STK33: variants seen among roughly 807,000 people sequenced by gnomAD.
STK33 encodes serine/threonine-protein kinase 33.
Under a neutral mutation model 58.0 loss-of-function variants are expected in STK33, and 52 were observed. The ratio of observed to expected loss-of-function variants is 0.90; its 90% CI spans 0.72 to 1.13. The LOEUF (loss-of-function observed/expected upper bound fraction) is 1.13, where lower values mean the gene tolerates loss of function less well. Among genes scored for constraint, STK33 ranks in the 50% most tolerant of loss-of-function variants. The pLI is 0.00. For synonymous variants in STK33, 215 were observed against 200.1 expected (o/e 1.07, Z -0.63); for missense variants, 630 against 604.2 (o/e 1.04, Z -0.45).
At chr11:8,499,584 G>A (rs1318745233) in intron 1 of STK33, among the ~76,000 whole-genome samples, 1 of 152,104 alleles carries the variant, frequency 6.6e-6, no homozygotes, top group Non-Finnish European at 1.5e-5. Flanking sequence ...TATACCCAAA[G>A]GATTATAAAT....
intron 1 of STK33, among the ~76,000 whole-genome samples, chr11:8,578,558 A>G (rs1958344650): frequency 6.6e-6 from 1 of 151,912 alleles, no homozygotes; most frequent in African/African-American, 2.4e-5. Flanking sequence ...TTATTTATAT[A>G]TAATATACTA....
rs536058326 is a variant in STK33, at chr11:8,422,414, T to G, written c.1147-8722A>C. Among the ~76,000 whole-genome samples the G allele has an allele frequency of 3.1e-4, 47 of 152,286 alleles. No homozygotes were observed. The South Asian group carries it at 6.4e-3, about 21-fold the overall frequency. On this transcript the variant is annotated intron_variant, in intron 14 of 15. Coordinates refer to ENST00000687296, the MANE Select transcript of STK33 (RefSeq NM_001352389.2). ...TATTAGTAAGTGAAATGGATAGTTT[T>G]CCTTTGTCACAATGTCGTGGTATAG...
intron 15 of STK33, among the ~76,000 whole-genome samples, chr11:8,405,033 G>A (rs986449023): frequency 6.6e-6 from 1 of 152,140 alleles, no homozygotes; most frequent in African/African-American, 2.4e-5. Context: ...AGCTACCCAG[G>A]AGGCTGAGGC....
intron 8 of STK33, among the ~76,000 whole-genome samples, chr11:8,459,969 C>T (rs889390743): frequency 2.6e-5 from 4 of 152,184 alleles, no homozygotes; most frequent in Non-Finnish European, 5.9e-5. Context: ...TGGAGGTAAA[C>T]CTCGTAATTC....
chr11:8,576,031 C>T (rs952059051), intron 1 of STK33, among the ~76,000 whole-genome samples: 19 of 151,972 alleles, frequency 1.3e-4, no homozygotes, highest in South Asian at 4.2e-4. Context: ...ATCTAGTTAG[C>T]GAATCAACAA....
At position 8,495,249 on chromosome 11, in the gene STK33, G is replaced by GA. The variant is rs1182633223; in HGVS notation, c.-465-14636dup. Among the ~76,000 whole-genome samples the GA allele has an allele frequency of 1.1e-4, 16 of 151,092 alleles. 1 individual carries two copies. The highest frequency in any genetic ancestry group is 6.6e-4 in the Admixed American group (10 of 15,154). On this transcript the variant is annotated intron_variant, in intron 1 of 15. Coordinates refer to ENST00000687296, the MANE Select transcript of STK33 (RefSeq NM_001352389.2). ...ACAAAGAACTTAAACAAATTTACAA[G>GA]AAAAAAAACAAACAACCCCATCAAA...
chr11:8,410,778 ATCT>A (rs1940110895), intron 15 of STK33, among the ~76,000 whole-genome samples: 1 of 151,990 alleles, frequency 6.6e-6, no homozygotes, highest in Non-Finnish European at 1.5e-5. Context: ...TGGCCTGAAA[ATCT>A]TCTATTTTCA....
chr11:8,448,940 AAAAC>A (rs1383599312), intron 11 of STK33, among the ~76,000 whole-genome samples: 3 of 151,718 alleles, frequency 2.0e-5, no homozygotes, highest in Non-Finnish European at 2.9e-5. Flanking sequence ...TTTACAAGAA[AAAAC>A]AAACAACCCC....
chr11:8,540,669 T>A (rs563739691), intron 1 of STK33, among the ~76,000 whole-genome samples: 4 of 151,986 alleles, frequency 2.6e-5, no homozygotes, highest in Admixed American at 2.0e-4. Flanking sequence ...CTCTCACTTA[T>A]ACATGGAATA....
At chr11:8,540,634 GAC>G (rs1159006798) in intron 1 of STK33, among the ~76,000 whole-genome samples, 1 of 152,062 alleles carries the variant, frequency 6.6e-6, no homozygotes, top group Non-Finnish European at 1.5e-5. Flanking sequence ...AAAAAAGACA[GAC>G]ACAGAAAGAA....
intron 1 of STK33, among the ~76,000 whole-genome samples, chr11:8,556,132 G>C: frequency 6.6e-6 from 1 of 152,192 alleles, no homozygotes; most frequent in East Asian, 1.9e-4. Context: ...AGAAATAGGA[G>C]TAAAGTTGAA....
chr11:8,390,032 T>A (rs948122640), downstream of STK33, among the ~76,000 whole-genome samples: 1 of 152,200 alleles, frequency 6.6e-6, no homozygotes, highest in African/African-American at 2.4e-5. Context: ...GGCAGAACCA[T>A]GTGTTGTCAT....
intron 14 of STK33, among the ~76,000 whole-genome samples, chr11:8,418,166 G>A (rs539858484): frequency 6.6e-6 from 1 of 151,816 alleles, no homozygotes; most frequent in Non-Finnish European, 1.5e-5. Context: ...GTGTCACAGG[G>A]GTTCGTTGGA....
chr11:8,369,467 A>C, the STK33 span, among the ~76,000 whole-genome samples: 16 of 138,128 alleles, frequency 1.2e-4, no homozygotes, highest in Non-Finnish European at 2.1e-4. Flanking sequence ...GAGAATGAGG[A>C]GGCTAAGGGA....
chr11:8,527,259 A>G (rs1294638972), intron 1 of STK33, among the ~76,000 whole-genome samples: 3 of 152,108 alleles, frequency 2.0e-5, no homozygotes, highest in Admixed American at 2.0e-4. Context: ...TACAGGCATG[A>G]GCAATTGTGC....
At chr11:8,520,092 C>A (rs1049781738) in intron 1 of STK33, among the ~76,000 whole-genome samples, 5 of 152,136 alleles carry the variant, frequency 3.3e-5, no homozygotes, top group Non-Finnish European at 4.4e-5. Context: ...CTAAAATCCT[C>A]AATAAAATAC....
the STK33 span, among the ~76,000 whole-genome samples, chr11:8,355,312 C>T: frequency 2.0e-5 from 3 of 152,248 alleles, no homozygotes; most frequent in African/African-American, 7.2e-5. Context: ...TAATACGGCA[C>T]ACCTGACTGT....
rs533606240 is a variant in STK33 at position 8,411,516 on chromosome 11, G to A, written c.1344+1979C>T. Reference sequence around the variant, plus strand: ...CTTACCCTGTCTGCTAGTTTTCCAAGAGCTCTGCCATTGTTTCAAAAGGTG... The same window carrying A: ...CTTACCCTGTCTGCTAGTTTTCCAAAAGCTCTGCCATTGTTTCAAAAGGTG... On this transcript the variant is annotated intron_variant, in intron 15 of 15. Transcript: ENST00000687296. 1.5e-3 allele frequency among the ~76,000 whole-genome samples: 222 copies of A among 152,274 alleles called. 3 individuals carry two copies. Among genetic ancestry groups the A allele is most frequent in the South Asian group, 0.012 (59 of 4,828 alleles).
the STK33 span, among the ~76,000 whole-genome samples, chr11:8,382,668 T>C: frequency 1.3e-5 from 2 of 152,150 alleles, no homozygotes; most frequent in South Asian, 2.1e-4. Context: ...ACAGGTCCTG[T>C]GTGAGGTTGC....
Sources: gnomAD v4.1 joint callset for allele counts (sites outside exome capture counted in the v4.1 genomes callset) on GRCh38, gnomAD v4.1.1 for gene constraint, MANE v1.5 for transcripts, NCBI Gene and HGNC (gene_info 2026-07-23, HGNC 2026-07-21) for gene names.